The following ANO6 variants were observed in gnomAD, a reference collection of about 807,000 sequenced individuals.
ANO6 encodes the protein anoctamin 6.
ANO6 carries 106 observed loss-of-function variants against 117.5 expected under a neutral mutation model. The ratio of observed to expected loss-of-function variants is 0.90; its 90% confidence interval spans 0.77 to 1.06. The LOEUF is 1.06. Among genes scored for constraint, ANO6 ranks in the 50% least tolerant of loss-of-function variants. The pLI, the probability that ANO6 is intolerant of heterozygous loss-of-function variation, is 0.00. For synonymous variants in ANO6, 367 were observed against 385.1 expected (o/e 0.95, Z 0.55); for missense variants, 955 against 1,121.1 (o/e 0.85, Z 2.12).
At chr12:45,243,043 A>T (rs1234898090) in intron 1 of ANO6, among the ~76,000 whole-genome samples, 1 of 152,242 alleles carries the variant, frequency 6.6e-6, no homozygotes. Flanking sequence ...GGCCATGCAC[A>T]GTGGCTCACA....
intron 1 of ANO6, among the ~76,000 whole-genome samples, chr12:45,264,478 T>TG (rs35752641): frequency 6.6e-6 from 1 of 152,206 alleles, no homozygotes; most frequent in Non-Finnish European, 1.5e-5. Context: ...GATAATTTTT[T>TG]GGGGGGTTGG....
At position 45,424,243 on chromosome 12, in the gene ANO6, A is replaced by G. The variant is rs114696546; in HGVS notation, c.2526+1181A>G. Among the ~76,000 whole-genome samples the G allele has an allele frequency of 2.0e-3, 295 of 151,208 alleles. 2 individuals carry two copies. The highest frequency in any genetic ancestry group is 6.8e-3 in the African/African-American group (280 of 41,150). On this transcript the variant is annotated intron_variant, in intron 19 of 19. Transcript: ENST00000320560. ...GGACCATCCCCACTGCAAAACTTCT[A>G]GAGCCAGCTAGATAATTCCTTTGCA...
intron 1 of ANO6, among the ~76,000 whole-genome samples, chr12:45,264,656 C>CTG (rs1257574688): frequency 1.3e-5 from 2 of 152,090 alleles, no homozygotes; most frequent in African/African-American, 4.8e-5. Context: ...TGAAACCTGA[C>CTG]TGTGGATACA....
At chr12:45,408,575 A>G (rs757548967) in intron 15 of ANO6, among the ~76,000 whole-genome samples, 7 of 152,222 alleles carry the variant, frequency 4.6e-5, no homozygotes, top group Admixed American at 6.5e-5. Flanking sequence ...GCTCTGCACT[A>G]TGACCTGGAG....
At chr12:45,238,447 G>A (rs10437940) in intron 1 of ANO6, among the ~76,000 whole-genome samples, 5,121 of 152,024 alleles carry the variant, frequency 0.034, 258 homozygotes, top group African/African-American at 0.11. Context: ...CACTGTGCTT[G>A]GCTGATGGTA....
In ANO6 at chr12:45,403,548, A is replaced by C; in HGVS notation, c.1880+12A>C. The C allele has an allele frequency of 1.3e-6, 2 of 1,597,080 alleles. No individual in the cohort carries two copies. Among genetic ancestry groups the C allele is most frequent in the South Asian group, 2.2e-5 (2 of 90,736 alleles). Reference sequence around the variant, plus strand: ...GAAGTATTATTGCCGTGAGTGTTAAATTGTATAGCCATGGGTAAAAGGACA... The same window carrying C: ...GAAGTATTATTGCCGTGAGTGTTAACTTGTATAGCCATGGGTAAAAGGACA... On this transcript the variant is annotated intron_variant, in intron 15 of 19. Transcript: ENST00000320560.
intron 9 of ANO6, among the ~76,000 whole-genome samples, chr12:45,375,437 T>G (rs1349598243): frequency 6.7e-6 from 1 of 149,164 alleles, no homozygotes; most frequent in South Asian, 2.1e-4. Context: ...AGGCATCACA[T>G]TACCTGACTT....
chr12:45,414,243 AG>A (rs959762947), intron 16 of ANO6, among the ~76,000 whole-genome samples: 2 of 151,922 alleles, frequency 1.3e-5, no homozygotes, highest in African/African-American at 4.8e-5. Flanking sequence ...ATTATGAAAA[AG>A]TTGCAGGCAA....
chr12:45,404,990 A>G (rs1011066066), intron 15 of ANO6, among the ~76,000 whole-genome samples: 1 of 152,026 alleles, frequency 6.6e-6, no homozygotes, highest in Non-Finnish European at 1.5e-5. Flanking sequence ...AACAGGTCTT[A>G]TTCTCCATCT....
intron 9 of ANO6, among the ~76,000 whole-genome samples, chr12:45,375,646 A>C (rs1229239520): frequency 1.3e-5 from 2 of 152,160 alleles, no homozygotes; most frequent in Non-Finnish European, 2.9e-5. Context: ...AAAACTGGCT[A>C]GCCATATGTA....
At chr12:45,418,693 G>A (rs1943276473) in intron 17 of ANO6, among the ~76,000 whole-genome samples, 1 of 152,112 alleles carries the variant, frequency 6.6e-6, no homozygotes, top group Non-Finnish European at 1.5e-5. Context: ...TCTACTCCAT[G>A]AGCACAGATG....
At chr12:45,301,042 G>A (rs1365642154) in intron 1 of ANO6, among the ~76,000 whole-genome samples, 1 of 152,146 alleles carries the variant, frequency 6.6e-6, no homozygotes, top group African/African-American at 2.4e-5. Flanking sequence ...GTCACAAATG[G>A]CTATTGAGCT....
rs191807360 is a variant in ANO6, at chr12:45,259,569, C to T, written c.71-42445C>T. On this transcript the variant is annotated intron_variant, in intron 1 of 19. Coordinates refer to ENST00000320560, the MANE Select transcript of ANO6 (RefSeq NM_001025356.3). ...GGCAGGTACTCACCTGCTGGAGCCA[C>T]GGAGGGCCTGGTTGCAGTGGGTACT... Among the ~76,000 whole-genome samples the T allele has an allele frequency of 4.6e-4, 70 of 152,294 alleles. 1 individual carries two copies. The highest frequency in any genetic ancestry group is 3.4e-3 in the Middle Eastern group (1 of 294).
At chr12:45,283,504 C>T (rs941382038) in intron 1 of ANO6, among the ~76,000 whole-genome samples, 5 of 152,062 alleles carry the variant, frequency 3.3e-5, no homozygotes, top group South Asian at 4.1e-4. Flanking sequence ...CCAGTGCTTA[C>T]GTTTAGCAAG....
At chr12:45,278,944 A>G (rs992720569) in intron 1 of ANO6, among the ~76,000 whole-genome samples, 1 of 152,208 alleles carries the variant, frequency 6.6e-6, no homozygotes, top group Non-Finnish European at 1.5e-5. Flanking sequence ...GACCAAGAGA[A>G]AATACAGCTA....
chr12:45,406,369 T>G (rs1942935099), intron 15 of ANO6, among the ~76,000 whole-genome samples: 1 of 152,238 alleles, frequency 6.6e-6, no homozygotes, highest in Non-Finnish European at 1.5e-5. Flanking sequence ...CCTGGGGATT[T>G]TATTCTGTTC....
At chr12:45,402,220 A>G (rs1268026021) in intron 13 of ANO6, among the ~76,000 whole-genome samples, 200 bp downstream of exon 13, 1 of 152,240 alleles carries the variant, frequency 6.6e-6, no homozygotes, top group Non-Finnish European at 1.5e-5. Context: ...AGCAAAGACA[A>G]TCATCATAAC....
At chr12:45,364,452 T>G (rs530928672) in intron 8 of ANO6, among the ~76,000 whole-genome samples, 1 of 152,354 alleles carries the variant, frequency 6.6e-6, no homozygotes, top group South Asian at 2.1e-4. Flanking sequence ...TATTTGATGG[T>G]ATCCCACTAA....
In ANO6 at chr12:45,287,452, G is replaced by A. The variant is rs910658574; in HGVS notation, c.71-14562G>A. 5.3e-5 allele frequency among the ~76,000 whole-genome samples: 8 copies of A among 152,162 alleles called. No individual in the cohort carries two copies. In the South Asian group the frequency reaches 6.2e-4, roughly 12 times the overall value. On this transcript the variant is annotated intron_variant, in intron 1 of 19. Coordinates refer to ENST00000320560, the MANE Select transcript of ANO6 (RefSeq NM_001025356.3). ...CAGAACTGCTGTGAGAATGTAATGC[G>A]TTCATATATGAAAAGGACTTAGCTA...
Sources: allele counts gnomAD v4.1 joint callset (sites outside exome capture counted in the v4.1 genomes callset), GRCh38; gene constraint gnomAD v4.1.1; transcripts MANE v1.5; gene names NCBI Gene and HGNC (gene_info 2026-07-23, HGNC 2026-07-21).